The following MGAT3 variants were observed in gnomAD, a reference collection of about 807,000 sequenced individuals.
MGAT3 encodes the protein GlcNAc-T III.
MGAT3 carries 9 observed loss-of-function variants against 29.8 expected under a neutral mutation model. The ratio of observed to expected loss-of-function variants is 0.30; its 90% CI spans 0.18 to 0.53. MGAT3 has a LOEUF of 0.53. Ranked by LOEUF, MGAT3 falls within the 20% of genes least tolerant of loss-of-function variation. MGAT3 has a pLI of 0.96. For missense variants in MGAT3, 557 were observed against 769.5 expected, an observed-to-expected ratio of 0.72 and a Z score of 3.27; for synonymous variants, 397 against 348.9, an observed-to-expected ratio of 1.14 and a Z score of -1.54.
At chr22:39,459,636 T>A (rs746649284) in intron 1 of MGAT3, among the ~76,000 whole-genome samples, 9 of 152,240 alleles carry the variant, frequency 5.9e-5, no homozygotes, top group East Asian at 1.9e-4. Flanking sequence ...GCTAATTTTT[T>A]AAAAAGTTTT....
chr22:39,485,155 T>TC (rs1021610037), intron 1 of MGAT3, among the ~76,000 whole-genome samples: 7 of 151,918 alleles, frequency 4.6e-5, no homozygotes, highest in Admixed American at 2.6e-4. Flanking sequence ...CTCAGTGGGT[T>TC]CCCCCCGGAC....
chr22:39,484,270 A>G (rs1013776172), intron 1 of MGAT3, among the ~76,000 whole-genome samples: 2 of 152,216 alleles, frequency 1.3e-5, no homozygotes, highest in Non-Finnish European at 2.9e-5. Context: ...ATTGAAGGGA[A>G]CAAGAGCTTA....
chr22:39,466,873 G>C (rs1928662917), intron 1 of MGAT3, among the ~76,000 whole-genome samples: 2 of 152,248 alleles, frequency 1.3e-5, no homozygotes, highest in South Asian at 4.1e-4. Flanking sequence ...GGTGGGGTCA[G>C]TTTCTGTTTC....
At chr22:39,486,777 A>G (rs1447574028) in intron 1 of MGAT3, among the ~76,000 whole-genome samples, 1 of 152,258 alleles carries the variant, frequency 6.6e-6, no homozygotes, top group Non-Finnish European at 1.5e-5. Flanking sequence ...TTGGGATTAC[A>G]GGCGTGAGCC....
At chr22:39,469,067 G>GT (rs1255038302) in intron 1 of MGAT3, among the ~76,000 whole-genome samples, 1 of 150,696 alleles carries the variant, frequency 6.6e-6, no homozygotes, top group Non-Finnish European at 1.5e-5. Flanking sequence ...TAGGCTTGGG[G>GT]TTGGGAGATT....
chr22:39,484,995 C>G (rs2009999), intron 1 of MGAT3, among the ~76,000 whole-genome samples: 1 of 151,588 alleles, frequency 6.6e-6, no homozygotes, highest in East Asian at 2.0e-4. Flanking sequence ...AGAGTGAGAC[C>G]CTGTCTCAAA....
rs374968110 is a variant in MGAT3 at position 39,488,619 on chromosome 22, G to T, written c.1272G>T (p.Thr424=). The T allele has an allele frequency of 2.0e-4, 322 of 1,613,218 alleles. No homozygotes were observed. The highest frequency in any genetic ancestry group is 2.7e-4 in the Non-Finnish European group (317 of 1,180,022). Reference sequence around the variant, plus strand: ...GCTGGCACTGCTCCTGGTGCTTCACGCCCGAGGGCATCTACTTCAAGCTCG... The same window carrying T: ...GCTGGCACTGCTCCTGGTGCTTCACTCCCGAGGGCATCTACTTCAAGCTCG... The part of the protein sequence containing the change: ...FAGWHCSWCF[T]PEGIYFKLVS... Residue 424 remains threonine, a synonymous_variant, in exon 2 of 2, where the codon ACG becomes ACT. Coordinates refer to ENST00000341184, the MANE Select transcript of MGAT3 (RefSeq NM_002409.5).
intron 1 of MGAT3, chr22:39,475,911 A>G (rs1436773373): frequency 1.3e-5 from 2 of 152,316 alleles, no homozygotes; most frequent in Admixed American, 1.3e-4. Flanking sequence ...AGGAATTCAC[A>G]TACAGCCTGG....
intron 1 of MGAT3, among the ~76,000 whole-genome samples, chr22:39,473,047 G>T (rs1453457446): frequency 4.6e-5 from 7 of 152,152 alleles, no homozygotes; most frequent in Admixed American, 4.6e-4. Context: ...CTGAACTTCG[G>T]TTTTCTCCTC....
At chr22:39,468,783 GCACAGCCCTTGTGTGGGA>G (rs1318605333) in intron 1 of MGAT3, among the ~76,000 whole-genome samples, 2 of 152,064 alleles carry the variant, frequency 1.3e-5, no homozygotes, top group African/African-American at 4.8e-5. Context: ...GCATCAGACA[GCACAGCCCTTGTGTGGGA>G]CAAGGGGTTC....
At chr22:39,473,316 C>T (rs182979868) in intron 1 of MGAT3, among the ~76,000 whole-genome samples, 3 of 152,290 alleles carry the variant, frequency 2.0e-5, no homozygotes, top group Admixed American at 6.5e-5. Context: ...CCTCATGCTG[C>T]GTCATCCCAT....
intron 1 of MGAT3, among the ~76,000 whole-genome samples, chr22:39,483,480 C>T (rs889142107): frequency 6.0e-5 from 9 of 149,744 alleles, no homozygotes; most frequent in Non-Finnish European, 1.2e-4. Context: ...AGCAAAACTC[C>T]GTCTCAAAAA....
At chr22:39,462,300 G>T (rs973568118) in intron 1 of MGAT3, among the ~76,000 whole-genome samples, 1 of 152,204 alleles carries the variant, frequency 6.6e-6, no homozygotes, top group African/African-American at 2.4e-5. Context: ...GTATCACGCC[G>T]GTGTCTTTGG....
chr22:39,473,311 T>C (rs529357268), intron 1 of MGAT3, among the ~76,000 whole-genome samples: 1 of 152,298 alleles, frequency 6.6e-6, no homozygotes, highest in East Asian at 1.9e-4. Flanking sequence ...AGGGCCCTCA[T>C]GCTGCGTCAT....
chr22:39,458,315 G>T (rs762398334), intron 1 of MGAT3, among the ~76,000 whole-genome samples: 3 of 146,946 alleles, frequency 2.0e-5, no homozygotes, highest in Non-Finnish European at 3.1e-5. Flanking sequence ...GCCAGACCTA[G>T]TGGTCTGAGG....
At chr22:39,484,727 C>T (rs1313532843) in intron 1 of MGAT3, among the ~76,000 whole-genome samples, 1 of 151,966 alleles carries the variant, frequency 6.6e-6, no homozygotes. Context: ...GGGAGGCTGG[C>T]CATGGTGGTT....
intron 1 of MGAT3, among the ~76,000 whole-genome samples, chr22:39,472,493 G>A (rs867204237): frequency 6.6e-6 from 1 of 152,176 alleles, no homozygotes; most frequent in Non-Finnish European, 1.5e-5. Flanking sequence ...GGAGCAAGGC[G>A]AGGCTCACAA....
At chr22:39,465,944 AAAAAG>A (rs1652648624) in intron 1 of MGAT3, among the ~76,000 whole-genome samples, 1 of 151,834 alleles carries the variant, frequency 6.6e-6, no homozygotes, top group Non-Finnish European at 1.5e-5. Context: ...AAAAAAAAAA[AAAAAG>A]AAAAGAAAAA....
chr22:39,479,109 C>T (rs908571339), intron 1 of MGAT3, among the ~76,000 whole-genome samples: 2 of 152,148 alleles, frequency 1.3e-5, no homozygotes, highest in Non-Finnish European at 2.9e-5. Context: ...ACTGGGGGGC[C>T]GAGGTATCAC....
Sources: gnomAD v4.1 joint callset for allele counts (sites outside exome capture counted in the v4.1 genomes callset) on GRCh38, gnomAD v4.1.1 for gene constraint, MANE v1.5 for transcripts, NCBI Gene and HGNC (gene_info 2026-07-23, HGNC 2026-07-21) for gene names.